ARHGAP24: variants seen among roughly 807,000 people sequenced by gnomAD.
ARHGAP24 encodes the protein Rho GTPase activating protein 24.
Under a neutral mutation model 76.4 loss-of-function variants are expected in ARHGAP24, and 50 were observed. That is an observed-to-expected ratio of 0.65 (90% CI 0.52 to 0.83). The LOEUF is 0.83. Ranked by LOEUF, ARHGAP24 falls within the 40% of genes least tolerant of loss-of-function variation. The probability of loss-of-function intolerance (pLI) is 0.00; values close to 1 mark genes in which losing one functional copy is unlikely to be tolerated. For missense variants in ARHGAP24, 930 were observed against 914.2 expected (o/e 1.02, Z -0.22); for synonymous variants, 345 against 323.3 (o/e 1.07, Z -0.72).
chr4:85,756,214 A>AGG, intron 3 of ARHGAP24, among the ~76,000 whole-genome samples: 1 of 151,898 alleles, frequency 6.6e-6, no homozygotes, highest in Non-Finnish European at 1.5e-5. Flanking sequence ...TAGTTAATAA[A>AGG]GTAGCTGATT....
At chr4:85,937,248 G>A (rs1215567011) in intron 4 of ARHGAP24, among the ~76,000 whole-genome samples, 1 of 152,184 alleles carries the variant, frequency 6.6e-6, no homozygotes, top group Non-Finnish European at 1.5e-5. Flanking sequence ...ATAGCTTGAA[G>A]GAAGAGGAAT....
At chr4:85,780,905 T>C (rs928685744) in intron 3 of ARHGAP24, among the ~76,000 whole-genome samples, 5 of 152,212 alleles carry the variant, frequency 3.3e-5, no homozygotes, top group African/African-American at 1.2e-4. Context: ...TTGTTCTTTT[T>C]ATAAAGTTAC....
At chr4:85,597,701 C>T (rs1719891226) in intron 2 of ARHGAP24, among the ~76,000 whole-genome samples, 1 of 151,688 alleles carries the variant, frequency 6.6e-6, no homozygotes, top group Admixed American at 6.6e-5. Context: ...GAGAATGTTA[C>T]ATATTTAAAT....
At chr4:85,766,574 C>T (rs1236441716) in intron 3 of ARHGAP24, among the ~76,000 whole-genome samples, 3 of 152,006 alleles carry the variant, frequency 2.0e-5, no homozygotes, top group Non-Finnish European at 4.4e-5. Context: ...AAGACTAATA[C>T]GACCCCACAT....
chr4:85,713,440 G>A (rs1226930295), intron 2 of ARHGAP24, among the ~76,000 whole-genome samples: 1 of 151,988 alleles, frequency 6.6e-6, no homozygotes, highest in East Asian at 1.9e-4. Flanking sequence ...TCTATAACCT[G>A]ACTATCCAAA....
chr4:85,486,920 C>T (rs761077174), intron 1 of ARHGAP24, among the ~76,000 whole-genome samples: 9 of 151,760 alleles, frequency 5.9e-5, no homozygotes, highest in Non-Finnish European at 1.2e-4. Context: ...TGCTGGCCTC[C>T]TCCTGCATCT....
rs377599788 is a variant in ARHGAP24, at chr4:85,995,558, G to A, written c.1904G>A (p.Gly635Asp). 6.2e-6 allele frequency: 10 copies of A among 1,612,502 alleles called. No homozygotes were observed. Among genetic ancestry groups the A allele is most frequent in the Non-Finnish European group, 6.8e-6 (8 of 1,179,108 alleles). ...AGTGACAACAGTGAGACATTTGTGGGCAACAGCAGCAGCAACCACAGTGCA... is the reference window on the plus strand; with the variant it reads ...AGTGACAACAGTGAGACATTTGTGGACAACAGCAGCAGCAACCACAGTGCA... ...SSSDNSETFVGNSSSNHSALH... is the reference protein window; with the variant it reads ...SSSDNSETFVDNSSSNHSALH... The change falls in exon 9 of 10, where the codon GGC (glycine) becomes GAC (aspartate). Residue 635 changes from glycine (G) to aspartate (D), a missense_variant. Transcript: ENST00000395184.
At chr4:85,678,871 A>G (rs1249466455) in intron 2 of ARHGAP24, among the ~76,000 whole-genome samples, 1 of 152,236 alleles carries the variant, frequency 6.6e-6, no homozygotes, top group East Asian at 1.9e-4. Context: ...TACAGCATCC[A>G]GAGAGGTGTC....
intron 2 of ARHGAP24, among the ~76,000 whole-genome samples, chr4:85,706,636 G>C (rs771633625): frequency 6.6e-6 from 1 of 151,542 alleles, no homozygotes; most frequent in Non-Finnish European, 1.5e-5. Flanking sequence ...CGTGATCTCA[G>C]CTCACTACAA....
chr4:85,774,024 GA>G (rs1176352508), intron 3 of ARHGAP24, among the ~76,000 whole-genome samples: 2 of 152,194 alleles, frequency 1.3e-5, no homozygotes, highest in Non-Finnish European at 2.9e-5. Flanking sequence ...GCTCAGGCAA[GA>G]AATTCCCTCT....
At chr4:85,958,368 T>C (rs757294159) in intron 5 of ARHGAP24, among the ~76,000 whole-genome samples, 9 of 152,162 alleles carry the variant, frequency 5.9e-5, no homozygotes, top group Admixed American at 5.2e-4. Context: ...GTGAGTATGA[T>C]GATGGGGATA....
At chr4:85,943,575 C>A (rs938954362) in intron 5 of ARHGAP24, among the ~76,000 whole-genome samples, 1 of 152,112 alleles carries the variant, frequency 6.6e-6, no homozygotes, top group Non-Finnish European at 1.5e-5. Flanking sequence ...CCATCATCTA[C>A]AATTAGGTAT....
chr4:85,700,401 A>G (rs1174660490), intron 2 of ARHGAP24, among the ~76,000 whole-genome samples: 1 of 82,750 alleles, frequency 1.2e-5, no homozygotes, highest in Non-Finnish European at 3.9e-5. Context: ...GTCTAAAAAA[A>G]AAAAAATAAA....
intron 5 of ARHGAP24, among the ~76,000 whole-genome samples, chr4:85,969,546 A>G (rs912893127): frequency 6.6e-6 from 1 of 152,066 alleles, no homozygotes; most frequent in African/African-American, 2.4e-5. Context: ...CTGAAGGCAA[A>G]CAAATCTGAG....
chr4:85,964,312 A>G (rs972215482), intron 5 of ARHGAP24, among the ~76,000 whole-genome samples: 1 of 152,106 alleles, frequency 6.6e-6, no homozygotes, highest in African/African-American at 2.4e-5. Flanking sequence ...GCTAAAAGAG[A>G]AACAATTTTA....
intron 3 of ARHGAP24, among the ~76,000 whole-genome samples, chr4:85,835,068 T>C (rs1730188439): frequency 6.6e-6 from 1 of 152,170 alleles, no homozygotes; most frequent in South Asian, 2.1e-4. Flanking sequence ...TAGTAGCTTG[T>C]CATTTTTCTG....
In ARHGAP24 at chr4:86,000,503, G is replaced by A; in HGVS notation, c.2028G>A (p.Leu676=). 2.6e-6 allele frequency: 4 copies of A among 1,511,446 alleles called. No individual in the cohort carries two copies. Among genetic ancestry groups the A allele is most frequent in the Non-Finnish European group, 3.6e-6 (4 of 1,123,028 alleles). The allele number at this position is 1,511,446 out of a possible 1,614,324, so 93.6% of individuals were successfully genotyped here. A position where few individuals can be genotyped will look rare whatever the true frequency, so the allele number is the denominator to read the frequency against. The change falls in exon 10 of 10, where the codon TTG becomes TTA. Residue 676 remains leucine (L), a synonymous_variant. Transcript: ENST00000395184. ...IKSLEQRNLT[L]ETEMMSLHDE... ...GCTTAGAACAGCGAAACTTGACTTT[G>A]GAAACAGAAATGATGAGCCTCCATG...
intron 3 of ARHGAP24, among the ~76,000 whole-genome samples, chr4:85,877,553 C>T (rs984598586): frequency 1.1e-3 from 31 of 27,642 alleles, no homozygotes; most frequent in African/African-American, 3.4e-3. Context: ...TGAGCCCAGG[C>T]GTTCAAGGTT....
Position 85,541,339 on chromosome 4 carries a change from G to A in ARHGAP24, c.-20-29183G>A, listed in dbSNP as rs1408306186. Among the ~76,000 whole-genome samples the A allele has an allele frequency of 6.2e-5, 8 of 129,998 alleles. 2 individuals are homozygous for A. The highest frequency in any genetic ancestry group is 3.5e-4 in the African/African-American group (8 of 23,136). The allele number at this position is 129,998 out of a possible 152,430, so 85.3% of individuals were successfully genotyped here. On this transcript the variant is annotated intron_variant, in intron 1 of 9. Coordinates refer to ENST00000395184, the MANE Select transcript of ARHGAP24 (RefSeq NM_001025616.3). The stretch of plus-strand genomic sequence containing the variant: ...CGGCTAATTTTTTGTATTTTTAGTA[G>A]AGACGGGGTTTCACCATTTTAGCCG...
Sources: allele counts gnomAD v4.1 joint callset (sites outside exome capture counted in the v4.1 genomes callset), GRCh38; gene constraint gnomAD v4.1.1; transcripts MANE v1.5; gene names NCBI Gene and HGNC (gene_info 2026-07-23, HGNC 2026-07-21).